The following PTDSS1 variants were observed in gnomAD, a reference collection of about 807,000 sequenced individuals.
PTDSS1 encodes phosphatidylserine synthase 1, also known as PSS-1.
Under a neutral mutation model 70.5 loss-of-function variants are expected in PTDSS1, and 45 were observed. The ratio of observed to expected loss-of-function variants is 0.64; its 90% confidence interval spans 0.50 to 0.82. The LOEUF is 0.82. Ranked by LOEUF, PTDSS1 falls within the 40% of genes least tolerant of loss-of-function variation. The pLI is 0.00. For missense variants in PTDSS1, 417 were observed against 586.1 expected (o/e 0.71, Z 2.98); for synonymous variants, 188 against 203.8 (o/e 0.92, Z 0.66).
intron 9 of PTDSS1, among the ~76,000 whole-genome samples, 154 bp from the exon 10 acceptor site, chr8:96,320,092 G>A (rs149886608): frequency 4.6e-5 from 7 of 152,328 alleles, no homozygotes; most frequent in Non-Finnish European, 7.3e-5. Flanking sequence ...CAGTTGGCTT[G>A]AACAGTGTTA....
chr8:96,318,550 C>T (rs1190007101), intron 9 of PTDSS1, among the ~76,000 whole-genome samples: 1 of 152,180 alleles, frequency 6.6e-6, no homozygotes, highest in Non-Finnish European at 1.5e-5. Flanking sequence ...TGCCACCTAG[C>T]GTCTTAATCA....
At chr8:96,321,256 A>T (rs536172590) in intron 10 of PTDSS1, among the ~76,000 whole-genome samples, 1 of 152,218 alleles carries the variant, frequency 6.6e-6, no homozygotes, top group African/African-American at 2.4e-5. Flanking sequence ...ATGGATCACT[A>T]AAAGAAGCTC....
rs188151628 is a variant in PTDSS1, at chr8:96,282,588, C to T, written c.272-1521C>T. Among the ~76,000 whole-genome samples, 1,126 of 152,246 alleles carry T rather than the reference C, an allele frequency of 7.4e-3. 2 individuals are homozygous for T. The highest frequency in any genetic ancestry group is 0.011 in the Non-Finnish European group (769 of 68,020). ...TCTCTCATGAACCAAACTCACCATC[C>T]GAACTGCCACCTAGGCACTGATAGA... On this transcript the variant is annotated intron_variant, in intron 2 of 12. Coordinates refer to ENST00000517309, the MANE Select transcript of PTDSS1 (RefSeq NM_014754.3).
intron 9 of PTDSS1, among the ~76,000 whole-genome samples, chr8:96,310,316 C>A (rs1048899931): frequency 2.6e-5 from 4 of 151,370 alleles, no homozygotes; most frequent in Non-Finnish European, 4.4e-5. Context: ...AGGTGCGCAC[C>A]ACCACACCCT....
chr8:96,321,525 A>G (rs1236432352), intron 10 of PTDSS1, among the ~76,000 whole-genome samples: 1 of 152,222 alleles, frequency 6.6e-6, no homozygotes, highest in East Asian at 1.9e-4. Flanking sequence ...GGTTGAAGAA[A>G]GCAGCCCTTT....
intron 2 of PTDSS1, among the ~76,000 whole-genome samples, chr8:96,276,700 T>A (rs564873646): frequency 6.6e-6 from 1 of 152,346 alleles, no homozygotes; most frequent in African/African-American, 2.4e-5. Context: ...CTCCATAATA[T>A]GTTTTCTGTC....
At position 96,308,407 on chromosome 8, in the gene PTDSS1, T is replaced by C. The variant is rs969678785; in HGVS notation, c.1008-1150T>C. 2.0e-5 allele frequency among the ~76,000 whole-genome samples: 3 copies of C among 152,240 alleles called. No individual in the cohort carries two copies. In the South Asian group the frequency reaches 6.2e-4, roughly 31 times the overall value. On this transcript the variant is annotated intron_variant, in intron 8 of 12. Coordinates refer to ENST00000517309, the MANE Select transcript of PTDSS1 (RefSeq NM_014754.3). ...TAGTTTATGGATGAGCTTCAGGTAT[T>C]CGTGAATCCTCTGAACTTTAATGCA...
chr8:96,318,342 G>A (rs956560464), intron 9 of PTDSS1, among the ~76,000 whole-genome samples: 2 of 151,978 alleles, frequency 1.3e-5, no homozygotes, highest in Non-Finnish European at 2.9e-5. Context: ...AAGATAGAGG[G>A]CCTCAAGTCT....
intron 8 of PTDSS1, among the ~76,000 whole-genome samples, chr8:96,306,908 T>G (rs980433640): frequency 6.6e-6 from 1 of 152,168 alleles, no homozygotes; most frequent in Non-Finnish European, 1.5e-5. Flanking sequence ...ACTGGAAAAA[T>G]GCAAATGTTT....
In PTDSS1 at chr8:96,323,279, C is replaced by T. The variant is rs531610585; in HGVS notation, c.1173+2934C>T. ...TGGGGATGACCCTGCTGCCACTGCT[C>T]CTCTCTGGTGGCTCCAACCCCACAT... On this transcript the variant is annotated intron_variant, in intron 10 of 12. Coordinates refer to ENST00000517309, the MANE Select transcript of PTDSS1 (RefSeq NM_014754.3). Among the ~76,000 whole-genome samples, 9 of 152,344 alleles carry T rather than the reference C, an allele frequency of 5.9e-5. No individual in the cohort carries two copies. In the East Asian group the frequency reaches 1.5e-3, roughly 26 times the overall value.
At chr8:96,310,652 A>G (rs1811198028) in intron 9 of PTDSS1, among the ~76,000 whole-genome samples, 1 of 152,124 alleles carries the variant, frequency 6.6e-6, no homozygotes, top group Non-Finnish European at 1.5e-5. Flanking sequence ...TGTCACATCA[A>G]AAGGGCCCCT....
At chr8:96,297,074 C>A (rs1810986186) in intron 5 of PTDSS1, among the ~76,000 whole-genome samples, 1 of 152,224 alleles carries the variant, frequency 6.6e-6, no homozygotes. Flanking sequence ...CCATGGTCAT[C>A]TCTGTCAGAA....
chr8:96,309,666 C>T (rs1811178952), intron 9 of PTDSS1, 44 bp downstream of exon 9: 1 of 1,596,880 alleles, frequency 6.3e-7, no homozygotes, highest in Admixed American at 1.7e-5. Context: ...CACTTAAGCC[C>T]TAATTTTATT....
At chr8:96,330,316 A>T in intron 11 of PTDSS1, 35 bp downstream of exon 11, 1 of 1,573,162 alleles carries the variant, frequency 6.4e-7, no homozygotes, top group Non-Finnish European at 8.7e-7. Context: ...CCATTGTTTA[A>T]AATAATCACC....
chr8:96,291,226 T>C (rs1810898316), intron 4 of PTDSS1, among the ~76,000 whole-genome samples: 1 of 152,046 alleles, frequency 6.6e-6, no homozygotes, highest in South Asian at 2.1e-4. Flanking sequence ...ATTAAACAAA[T>C]AATTGTTGGC....
chr8:96,288,591 GC>G (rs1810857546), intron 4 of PTDSS1, among the ~76,000 whole-genome samples: 1 of 148,280 alleles, frequency 6.7e-6, no homozygotes. Context: ...CTCCTAGAGT[GC>G]TGGGATTACA....
In PTDSS1 at chr8:96,273,409, T is replaced by C. The variant is rs758370798; in HGVS notation, c.271+19T>C. 2.6e-6 allele frequency: 4 copies of C among 1,559,554 alleles called. No individual in the cohort carries two copies. The highest frequency in any genetic ancestry group is 1.8e-6 in the Non-Finnish European group (2 of 1,140,872). ...CCCAATGGTAAGTAATGTCATGCAT[T>C]ACCACATTTCTCCTATATTGTGCCT... On this transcript the variant is annotated intron_variant, in intron 2 of 12. Transcript: ENST00000517309.
intron 1 of PTDSS1, among the ~76,000 whole-genome samples, chr8:96,272,029 A>G (rs1035527651): frequency 3.3e-5 from 5 of 152,070 alleles, no homozygotes; most frequent in African/African-American, 7.2e-5. Context: ...AACAAACTTC[A>G]TATCTTTTGC....
intron 1 of PTDSS1, among the ~76,000 whole-genome samples, chr8:96,269,525 T>C (rs928224384): frequency 6.6e-6 from 1 of 152,150 alleles, no homozygotes; most frequent in Non-Finnish European, 1.5e-5. Context: ...CATGTCTTAG[T>C]TGAGCAAGTA....
Sources: gnomAD v4.1 joint callset for allele counts (sites outside exome capture counted in the v4.1 genomes callset) on GRCh38, gnomAD v4.1.1 for gene constraint, MANE v1.5 for transcripts, NCBI Gene and HGNC (gene_info 2026-07-23, HGNC 2026-07-21) for gene names.